Variants in EPHB1 observed in about 807,000 individuals in gnomAD.
The protein encoded by EPHB1 is ephrin type-B receptor 1.
Under a neutral mutation model 94.4 loss-of-function variants are expected in EPHB1, and 30 were observed. The ratio of observed to expected loss-of-function variants is 0.32; its 90% CI spans 0.24 to 0.43. The LOEUF is 0.43. EPHB1 is among the 20% of genes least tolerant of loss of function. EPHB1 has a pLI of 1.00. For synonymous variants in EPHB1, 522 were observed against 489.1 expected (o/e 1.07, Z -0.89); for missense variants, 1,055 against 1,308.3 (o/e 0.81, Z 2.99).
chr3:135,146,311 G>A (rs895330824), intron 5 of EPHB1, among the ~76,000 whole-genome samples: 1 of 152,178 alleles, frequency 6.6e-6, no homozygotes, highest in South Asian at 2.1e-4. Context: ...GAGTAACAAA[G>A]GTAAAATTGA....
At chr3:135,227,582 T>G (rs1219611303) in intron 12 of EPHB1, among the ~76,000 whole-genome samples, 2 of 152,186 alleles carry the variant, frequency 1.3e-5, no homozygotes, top group Non-Finnish European at 1.5e-5. Context: ...AGACAAGCTC[T>G]TTTTAAATGG....
chr3:135,054,696 G>A (rs538426326), intron 3 of EPHB1, among the ~76,000 whole-genome samples: 8 of 152,192 alleles, frequency 5.3e-5, no homozygotes, highest in Non-Finnish European at 1.0e-4. Flanking sequence ...TTTATATTGT[G>A]GACATATTTA....
chr3:134,833,083 G>C (rs749948609), intron 1 of EPHB1, among the ~76,000 whole-genome samples: 24 of 152,160 alleles, frequency 1.6e-4, no homozygotes, highest in Non-Finnish European at 2.6e-4. Context: ...GCATGCCCTT[G>C]GTCACCTGAT....
intron 3 of EPHB1, among the ~76,000 whole-genome samples, chr3:134,992,761 A>C (rs539461543): frequency 1.3e-5 from 2 of 152,130 alleles, no homozygotes; most frequent in Non-Finnish European, 2.9e-5. Context: ...CCTGAGGGCA[A>C]GGCCTGTGTC....
rs572322416 is a variant in EPHB1, at chr3:135,004,959, C to T, written c.805+52907C>T. ...CGTCTGAAGCCTTCTTCTCTCAGCTCATCAAAGTCATTCTCCGTCCAGCTT... is the reference window on the plus strand; with the variant it reads ...CGTCTGAAGCCTTCTTCTCTCAGCTTATCAAAGTCATTCTCCGTCCAGCTT... On this transcript the variant is annotated intron_variant, in intron 3 of 15. Transcript: ENST00000398015. Among the ~76,000 whole-genome samples the T allele has an allele frequency of 5.3e-5, 8 of 152,338 alleles. No homozygotes were observed. In the South Asian group the frequency reaches 1.0e-3, roughly 20 times the overall value.
At chr3:135,120,793 C>T (rs1939926612) in intron 4 of EPHB1, among the ~76,000 whole-genome samples, 1 of 152,190 alleles carries the variant, frequency 6.6e-6, no homozygotes, top group East Asian at 1.9e-4. Flanking sequence ...CACTTCCCAG[C>T]TGTTATCTTG....
intron 9 of EPHB1, among the ~76,000 whole-genome samples, chr3:135,175,540 A>G (rs1941954228): frequency 1.3e-5 from 2 of 152,262 alleles, no homozygotes; most frequent in Non-Finnish European, 2.9e-5. Flanking sequence ...ATAAATTAAT[A>G]GAACATAAAA....
chr3:135,088,532 G>A (rs1938441684), intron 3 of EPHB1, among the ~76,000 whole-genome samples: 1 of 152,184 alleles, frequency 6.6e-6, no homozygotes, highest in African/African-American at 2.4e-5. Context: ...ATGGTGTGAT[G>A]TTGGAAACCC....
At position 135,192,605 on chromosome 3, in the gene EPHB1, T is replaced by C. The variant is rs771489385; in HGVS notation, c.1912T>C (p.Leu638=). Residue 638 remains leucine, a synonymous_variant, in exon 11 of 16, where the codon TTG becomes CTG. Transcript: ENST00000398015. The stretch of plus-strand genomic sequence containing the variant: ...GTTTGGAGAAGTGTACAAGGGGCGT[T>C]TGAAACTGCCAGGCAAGAGGGAAAT... ...GEFGEVYKGR[L]KLPGKREIYV... is the part of the protein sequence containing the mutation. 3 of 1,613,872 alleles carry C rather than the reference T, an allele frequency of 1.9e-6. No individual in the cohort carries two copies. The highest frequency in any genetic ancestry group is 2.5e-6 in the Non-Finnish European group (3 of 1,179,886).
At chr3:135,041,345 T>TG (rs1280641321) in intron 3 of EPHB1, among the ~76,000 whole-genome samples, 4 of 152,168 alleles carry the variant, frequency 2.6e-5, no homozygotes, top group South Asian at 2.1e-4. Flanking sequence ...GCACAGTGTC[T>TG]GGGGGGCCTT....
chr3:134,946,189 T>C (rs2039213191), intron 2 of EPHB1, among the ~76,000 whole-genome samples: 2 of 152,232 alleles, frequency 1.3e-5, no homozygotes, highest in South Asian at 4.1e-4. Flanking sequence ...GTCCTGCCCA[T>C]ACACTCAGGC....
At chr3:135,048,693 C>G (rs1395171761) in intron 3 of EPHB1, among the ~76,000 whole-genome samples, 1 of 152,216 alleles carries the variant, frequency 6.6e-6, no homozygotes, top group Non-Finnish European at 1.5e-5. Context: ...ATGCTGGCAT[C>G]TAGCCACATC....
At position 135,085,604 on chromosome 3, in the gene EPHB1, A is replaced by G. The variant is rs543729359; in HGVS notation, c.806-20844A>G. Among the ~76,000 whole-genome samples the G allele has an allele frequency of 2.6e-5, 4 of 152,364 alleles. No individual in the cohort carries two copies. In the South Asian group the frequency reaches 6.2e-4, roughly 24 times the overall value. ...ATCTGCCTCTCTGGACAAAGATAGC[A>G]TCACAAATGTTTGATGCGGGTGTCT... On this transcript the variant is annotated intron_variant, in intron 3 of 15. Transcript: ENST00000398015.
intron 9 of EPHB1, among the ~76,000 whole-genome samples, chr3:135,174,414 T>C (rs1941914808): frequency 1.3e-5 from 2 of 152,202 alleles, no homozygotes; most frequent in South Asian, 4.1e-4. Context: ...GCACTTGTCC[T>C]TTCAGGCTCA....
chr3:134,946,997 C>T (rs1177261168), intron 2 of EPHB1, among the ~76,000 whole-genome samples: 3 of 152,194 alleles, frequency 2.0e-5, no homozygotes, highest in Non-Finnish European at 4.4e-5. Flanking sequence ...ATCCGTTGCA[C>T]CCCCGTGCTT....
chr3:135,046,410 T>C (rs1196747100), intron 3 of EPHB1, among the ~76,000 whole-genome samples: 1 of 152,216 alleles, frequency 6.6e-6, no homozygotes, highest in Non-Finnish European at 1.5e-5. Context: ...GGGCAGTATA[T>C]GTTTGGTAAA....
chr3:135,097,341 CTCT>C (rs1938841842), intron 3 of EPHB1, among the ~76,000 whole-genome samples: 1 of 152,142 alleles, frequency 6.6e-6, no homozygotes, highest in East Asian at 1.9e-4. Context: ...GGCCTGGACT[CTCT>C]TCTGAGAGAA....
chr3:134,972,092 A>G (rs1458137461), intron 3 of EPHB1, among the ~76,000 whole-genome samples: 1 of 152,164 alleles, frequency 6.6e-6, no homozygotes, highest in Non-Finnish European at 1.5e-5. Context: ...GATCAGAAAC[A>G]GAAAGTAGCA....
intron 9 of EPHB1, among the ~76,000 whole-genome samples, chr3:135,173,135 C>T (rs375855655): frequency 5.8e-4 from 88 of 150,576 alleles, no homozygotes; most frequent in Admixed American, 3.4e-3. Context: ...CCCGGGTTCA[C>T]GCCATTCTCC....
Sources: gnomAD v4.1 joint callset for allele counts (sites outside exome capture counted in the v4.1 genomes callset) on GRCh38, gnomAD v4.1.1 for gene constraint, MANE v1.5 for transcripts, NCBI Gene and HGNC (gene_info 2026-07-23, HGNC 2026-07-21) for gene names.